Variants in BRD8 observed in about 807,000 individuals in gnomAD.
BRD8 encodes bromodomain containing 8.
In BRD8, 67 loss-of-function variants were observed where a neutral mutation model predicts 143.1. The observed-to-expected ratio is 0.47, with a 90% CI of 0.38 to 0.57. BRD8 has a LOEUF of 0.57. BRD8 is among the 20% of genes least tolerant of loss of function. The probability of loss-of-function intolerance (pLI) is 0.00; values close to 1 mark genes in which losing one functional copy is unlikely to be tolerated. For synonymous variants in BRD8, 505 were observed against 517.1 expected (o/e 0.98, Z 0.32); for missense variants, 1,103 against 1,503.0 (o/e 0.73, Z 4.40).
rs1753763061 is a variant in BRD8 at position 138,170,327 on chromosome 5, A to G, written c.505+18T>C. On this transcript the variant is annotated intron_variant, in intron 7 of 26. Coordinates refer to ENST00000254900, the MANE Select transcript of BRD8 (RefSeq NM_139199.2). ...CTGTGCAATCAATTGCTAAAGAGGC[A>G]TACTAGGTTCAGCTTACCCTGGTAT... 2 of 1,542,878 alleles carry G rather than the reference A, an allele frequency of 1.3e-6. No individual in the cohort carries two copies. Among genetic ancestry groups the G allele is most frequent in the East Asian group, 2.2e-5 (1 of 44,564 alleles).
intron 25 of BRD8, among the ~76,000 whole-genome samples, chr5:138,144,113 A>G (rs535854798): frequency 6.6e-6 from 1 of 151,854 alleles, no homozygotes; most frequent in African/African-American, 2.4e-5. Flanking sequence ...GGAATAAACA[A>G]CTCCGGATGT....
chr5:138,145,321 T>C, intron 24 of BRD8, 76 bp from the exon 25 acceptor site: 1 of 1,320,066 alleles, frequency 7.6e-7, no homozygotes. Flanking sequence ...GCTCAGTTCT[T>C]AGTAGACTTC....
At chr5:138,164,063 G>A (rs1262126918) in intron 14 of BRD8, 24 bp downstream of exon 14, 2 of 1,608,534 alleles carry the variant, frequency 1.2e-6, no homozygotes. Context: ...CATGGCAAGA[G>A]GAATAAAGAA....
intron 18 of BRD8, among the ~76,000 whole-genome samples, 178 bp from the exon 19 acceptor site, chr5:138,160,351 G>A (rs1752912848): frequency 6.6e-6 from 1 of 152,156 alleles, no homozygotes; most frequent in Non-Finnish European, 1.5e-5. Context: ...GGATGCTAAA[G>A]AATCAAGCAG....
At chr5:138,171,549 G>A (rs1753867237) in intron 3 of BRD8, 139 bp from the exon 4 acceptor site, 4 of 625,330 alleles carry the variant, frequency 6.4e-6, no homozygotes, top group African/African-American at 5.5e-5. Context: ...AGGAGGGCAA[G>A]TAACTTTATA....
At chr5:138,157,566 C>A in intron 20 of BRD8, 1 of 393,142 alleles carries the variant, frequency 2.5e-6, no homozygotes, top group Non-Finnish European at 4.7e-6. Flanking sequence ...AAATCATGTG[C>A]AAAGGAGCAG....
chr5:138,150,455 T>C (rs1282110643), intron 22 of BRD8, among the ~76,000 whole-genome samples: 1 of 152,206 alleles, frequency 6.6e-6, no homozygotes, highest in African/African-American at 2.4e-5. Flanking sequence ...TTTTACTGAT[T>C]GCTTACTATA....
chr5:138,174,412 T>G lies in BRD8; in HGVS notation c.117-2278A>C, dbSNP rs1429686966. Among the ~76,000 whole-genome samples the G allele has an allele frequency of 3.9e-5, 6 of 151,918 alleles. No individual in the cohort carries two copies. In the East Asian group the frequency reaches 1.2e-3, roughly 29 times the overall value. The stretch of plus-strand genomic sequence containing the variant: ...GAGTTCAAGACCAGCCTGGCCAACA[T>G]GGTAAAACCCTATCTCTACCAAAAA... On this transcript the variant is annotated intron_variant, in intron 2 of 26. Coordinates refer to ENST00000254900, the MANE Select transcript of BRD8 (RefSeq NM_139199.2).
At chr5:138,159,429 C>T in intron 20 of BRD8, 126 bp downstream of exon 20, 1 of 970,546 alleles carries the variant, frequency 1.0e-6, no homozygotes, top group Non-Finnish European at 1.6e-6. Context: ...TATTCAATGA[C>T]CTGAATAAAC....
At chr5:138,160,773 T>C in intron 18 of BRD8, 118 bp downstream of exon 18, 1 of 825,796 alleles carries the variant, frequency 1.2e-6, no homozygotes, top group Non-Finnish European at 1.8e-6. Flanking sequence ...TTTTCAATTG[T>C]GTCCCTGACA....
At chr5:138,157,407 T>C in intron 20 of BRD8, 1 of 1,085,822 alleles carries the variant, frequency 9.2e-7, no homozygotes, top group Non-Finnish European at 1.3e-6. Flanking sequence ...GAGGGGCATA[T>C]TTCTGTCTTC....
At chr5:138,148,174 A>G (rs1752233486) in intron 23 of BRD8, among the ~76,000 whole-genome samples, 1 of 151,306 alleles carries the variant, frequency 6.6e-6, no homozygotes, top group East Asian at 1.9e-4. Flanking sequence ...AAAAAAAAAA[A>G]AAGAAAAAAA....
At chr5:138,140,662 T>G in intron 26 of BRD8, 43 bp downstream of exon 26, 1 of 1,589,518 alleles carries the variant, frequency 6.3e-7, no homozygotes, top group Non-Finnish European at 8.6e-7. Context: ...ATAGGCGTTC[T>G]GAAATCAAGA....
rs1753453828 is a variant in BRD8, at chr5:138,166,736, T to C, written c.788-9A>G. On this transcript the variant is annotated splice_polypyrimidine_tract_variant and intron_variant, in intron 9 of 26. Coordinates refer to ENST00000254900, the MANE Select transcript of BRD8 (RefSeq NM_139199.2). ...GGAAAGAGTGGGAGCACCTAACATA[T>C]AAAGAGGTACACAAAATGAAGTAAG... 2 of 1,540,850 alleles carry C rather than the reference T, an allele frequency of 1.3e-6. No homozygotes were observed. Among genetic ancestry groups the C allele is most frequent in the Non-Finnish European group, 1.8e-6 (2 of 1,114,890 alleles).
At chr5:138,142,486 C>T (rs978415190) in intron 25 of BRD8, among the ~76,000 whole-genome samples, 9 of 152,062 alleles carry the variant, frequency 5.9e-5, no homozygotes, top group African/African-American at 1.7e-4. Context: ...CAAAATAGGC[C>T]GAGCACAGTG....
chr5:138,163,021 A>AAAGGG (rs1753118242), intron 15 of BRD8, 109 bp downstream of exon 15: 2 of 959,010 alleles, frequency 2.1e-6, no homozygotes, highest in Non-Finnish European at 1.5e-6. Context: ...AAAGGAAAGG[A>AAAGGG]AAGGGAAAAG....
intron 26 of BRD8, 128 bp downstream of exon 26, chr5:138,140,577 C>T: frequency 9.1e-7 from 1 of 1,101,640 alleles, no homozygotes; most frequent in Non-Finnish European, 1.4e-6. Flanking sequence ...GGCACATTAT[C>T]AATCCTTCAG....
chr5:138,152,430 C>T lies in BRD8; in HGVS notation c.2856+52G>A, dbSNP rs1238902166. ...GTAGAAGCATGTAAGGATAAGCATT[C>T]TCTTAGAAAGTTGAGGCTTTTCCAG... On this transcript the variant is annotated intron_variant, in intron 21 of 26. Coordinates refer to ENST00000254900, the MANE Select transcript of BRD8 (RefSeq NM_139199.2). The T allele has an allele frequency of 2.5e-6, 4 of 1,596,184 alleles. No individual in the cohort carries two copies. The African/African-American group carries it at 5.4e-5, about 21-fold the overall frequency.
At position 138,150,810 on chromosome 5, in the gene BRD8, G is replaced by C. The variant is rs1365866214; in HGVS notation, c.3055C>G (p.Pro1019Ala). 1 of 1,614,052 alleles carries C rather than the reference G, an allele frequency of 6.2e-7. No individual in the cohort carries two copies. The highest frequency in any genetic ancestry group is 1.3e-5 in the African/African-American group (1 of 74,922). The change falls in exon 22 of 27, where the codon CCA (proline) becomes GCA (alanine). Residue 1019 changes from proline to alanine, a missense_variant. Pro to Ala is a conservative substitution (Grantham distance 27, BLOSUM62 -1). Around this residue, in one of 7 missense-constraint regions of BRD8, gnomAD observed 369 missense variants for 445.5 expected, o/e 0.83. Transcript: ENST00000254900. ...ACTGAGGGAGCTGAAGCCACCTCTG[G>C]CTTTCCATTTTCTCCCAGTGGCTTT... ...AEKPLGENGK[P>A]EVASAPSVIC...
Sources: gnomAD v4.1 joint callset for allele counts (sites outside exome capture counted in the v4.1 genomes callset) on GRCh38, gnomAD v4.1.1 for gene constraint, gnomAD v4.1.1 regional missense constraint, MANE v1.5 for transcripts, NCBI Gene and HGNC (gene_info 2026-07-23, HGNC 2026-07-21) for gene names.